Variants in SNRPB2 observed in about 807,000 individuals in gnomAD.
The protein encoded by SNRPB2 is small nuclear ribonucleoprotein polypeptide B2.
A neutral mutation model predicts 26.3 loss-of-function variants in SNRPB2; 16 were observed. That is an observed-to-expected ratio of 0.61 (90% confidence interval 0.41 to 0.92). The LOEUF is 0.92. SNRPB2 is among the 40% of genes least tolerant of loss of function. SNRPB2 has a pLI of 0.00. For synonymous variants in SNRPB2, 75 were observed against 89.0 expected, an observed-to-expected ratio of 0.84 and a Z score of 0.88; for missense variants, 179 against 268.1, an observed-to-expected ratio of 0.67 and a Z score of 2.32.
intron 1 of SNRPB2, chr20:16,730,663 C>T (rs991525349): frequency 1.3e-5 from 2 of 152,254 alleles, no homozygotes; most frequent in Non-Finnish European, 2.9e-5. Flanking sequence ...CTTGTAGGCT[C>T]TTCCCTTGTC....
intron 3 of SNRPB2, among the ~76,000 whole-genome samples, chr20:16,734,676 C>T (rs2072413790): frequency 6.6e-6 from 1 of 152,188 alleles, no homozygotes; most frequent in African/African-American, 2.4e-5. Flanking sequence ...CCGTGTTTAA[C>T]AGCATCCCTG....
At chr20:16,734,533 C>T (rs2072412817) in intron 3 of SNRPB2, among the ~76,000 whole-genome samples, 1 of 152,162 alleles carries the variant, frequency 6.6e-6, no homozygotes, top group Non-Finnish European at 1.5e-5. Flanking sequence ...GTAAATCTTG[C>T]CCTTCTCTAA....
At chr20:16,733,837 G>A (rs2072408568) in intron 3 of SNRPB2, among the ~76,000 whole-genome samples, 1 of 152,062 alleles carries the variant, frequency 6.6e-6, no homozygotes, top group African/African-American at 2.4e-5. Flanking sequence ...CTTCCCAGCT[G>A]ACTGGACACC....
At chr20:16,734,186 A>C (rs1255963531) in intron 3 of SNRPB2, among the ~76,000 whole-genome samples, 1 of 152,150 alleles carries the variant, frequency 6.6e-6, no homozygotes, top group Non-Finnish European at 1.5e-5. Flanking sequence ...ATTTTTTAAA[A>C]TTAGTGGGAA....
At chr20:16,731,872 G>A in intron 2 of SNRPB2, 106 bp downstream of exon 2, 1 of 1,517,900 alleles carries the variant, frequency 6.6e-7, no homozygotes, top group Non-Finnish European at 8.9e-7. Context: ...CTTAGTGCCT[G>A]AAATAATGGT....
At chr20:16,731,249 G>A (rs1299965431) in intron 1 of SNRPB2, among the ~76,000 whole-genome samples, 1 of 152,144 alleles carries the variant, frequency 6.6e-6, no homozygotes, top group African/African-American at 2.4e-5. Context: ...CTTTGTAAGT[G>A]CACCCATTAA....
intron 1 of SNRPB2, among the ~76,000 whole-genome samples, 175 bp downstream of exon 1, chr20:16,730,339 G>A (rs1415886406): frequency 6.6e-6 from 1 of 152,168 alleles, no homozygotes; most frequent in Non-Finnish European, 1.5e-5. Context: ...GTAAAGGATA[G>A]TTAATGTCAG....
rs2072468217 is a variant in SNRPB2 at position 16,742,331 on chromosome 20, C to A, written c.*1326C>A. Reference sequence around the variant, plus strand: ...ACTTGTCTAAGAACTGAAAATAATTCACAGACTGATCCCATGCCCAGTCCT... The same window carrying A: ...ACTTGTCTAAGAACTGAAAATAATTAACAGACTGATCCCATGCCCAGTCCT... On this transcript the variant is annotated 3_prime_UTR_variant, in exon 7 of 7. Coordinates refer to ENST00000246071, the MANE Select transcript of SNRPB2 (RefSeq NM_003092.5). 1 of 152,114 alleles carries A rather than the reference C, an allele frequency of 6.6e-6. No homozygotes were observed. Among genetic ancestry groups the A allele is most frequent in the Non-Finnish European group, 1.5e-5 (1 of 68,024 alleles). The allele number at this position is 152,114 out of a possible 1,614,324, so 9.4% of individuals were successfully genotyped here. A position where few individuals can be genotyped will look rare whatever the true frequency, so the allele number is the denominator to read the frequency against.
At chr20:16,739,289 A>G (rs1178454833) in intron 5 of SNRPB2, among the ~76,000 whole-genome samples, 1 of 152,096 alleles carries the variant, frequency 6.6e-6, no homozygotes, top group African/African-American at 2.4e-5. Context: ...GAAACACTAC[A>G]GTGTTACACT....
chr20:16,736,923 C>T (rs1350763766), intron 3 of SNRPB2, among the ~76,000 whole-genome samples: 1 of 152,170 alleles, frequency 6.6e-6, no homozygotes, highest in Non-Finnish European at 1.5e-5. Flanking sequence ...TGGTGGAGCC[C>T]ACTCATTTGT....
chr20:16,740,673 G>A (rs1216790203), intron 6 of SNRPB2, among the ~76,000 whole-genome samples, 173 bp from the exon 7 acceptor site: 1 of 152,152 alleles, frequency 6.6e-6, no homozygotes, highest in Non-Finnish European at 1.5e-5. Flanking sequence ...GTTTATTCTT[G>A]CAGTTCTTCC....
chr20:16,735,043 T>G (rs1181135497), intron 3 of SNRPB2, among the ~76,000 whole-genome samples: 1 of 152,156 alleles, frequency 6.6e-6, no homozygotes, highest in South Asian at 2.1e-4. Context: ...TTAGAGCCAC[T>G]GTGGTACGGC....
In SNRPB2 at chr20:16,731,771, G is replaced by A. The variant is rs2072393082; in HGVS notation, c.64+5G>A. On this transcript the variant is annotated splice_donor_5th_base_variant and intron_variant, in intron 2 of 6. Coordinates refer to ENST00000246071, the MANE Select transcript of SNRPB2 (RefSeq NM_003092.5). ...ATGACAAAATTAAAAAGGAAGGTAAGTGCTTTTTAGAATACTTGTTCACTA... is the reference window on the plus strand; with the variant it reads ...ATGACAAAATTAAAAAGGAAGGTAAATGCTTTTTAGAATACTTGTTCACTA... 2 of 1,612,212 alleles carry A rather than the reference G, an allele frequency of 1.2e-6. No homozygotes were observed. The highest frequency in any genetic ancestry group is 1.7e-6 in the Non-Finnish European group (2 of 1,178,822).
At chr20:16,735,493 G>T (rs1439027870) in intron 3 of SNRPB2, among the ~76,000 whole-genome samples, 2 of 152,292 alleles carry the variant, frequency 1.3e-5, no homozygotes, top group East Asian at 3.9e-4. Context: ...GCTGAGTATA[G>T]TTATGTGATA....
At chr20:16,733,339 A>G (rs138938968) in intron 3 of SNRPB2, among the ~76,000 whole-genome samples, 1,790 of 152,356 alleles carry the variant, frequency 0.012, 32 homozygotes, top group African/African-American at 0.039. Context: ...ACCCTTTAAC[A>G]TTATCTAAGA....
rs1467880219 is a variant in SNRPB2, at chr20:16,731,667, G to C, written c.-35-1G>C. 1 of 1,608,740 alleles carries C rather than the reference G, an allele frequency of 6.2e-7. No individual in the cohort carries two copies. The highest frequency in any genetic ancestry group is 8.5e-7 in the Non-Finnish European group (1 of 1,176,992). Reference sequence around the variant, plus strand: ...AATTTACTCCTTCCTTTTTATAACAGATTTTTTACTGTCTCCTGAAGAATT... The same window carrying C: ...AATTTACTCCTTCCTTTTTATAACACATTTTTTACTGTCTCCTGAAGAATT... On this transcript the variant is annotated splice_acceptor_variant, in intron 1 of 6. Coordinates refer to ENST00000246071, the MANE Select transcript of SNRPB2 (RefSeq NM_003092.5). LOFTEE classifies it low-confidence loss of function (5UTR_SPLICE).
At chr20:16,740,495 C>T in intron 6 of SNRPB2, 82 bp downstream of exon 6, 1 of 1,564,950 alleles carries the variant, frequency 6.4e-7, no homozygotes, top group Non-Finnish European at 8.6e-7. Flanking sequence ...ATCCATTTAT[C>T]ACACAGCAGT....
rs766194300 is a variant in SNRPB2, at chr20:16,731,654, C to A, written c.-35-14C>A. On this transcript the variant is annotated splice_polypyrimidine_tract_variant and intron_variant, in intron 1 of 6. Transcript: ENST00000246071. ...CACAGTCCAGTATAATTTACTCCTTCCTTTTTATAACAGATTTTTTACTGT... is the reference window on the plus strand; with the variant it reads ...CACAGTCCAGTATAATTTACTCCTTACTTTTTATAACAGATTTTTTACTGT... 15 of 1,604,642 alleles carry A rather than the reference C, an allele frequency of 9.3e-6. No homozygotes were observed. Among genetic ancestry groups the A allele is most frequent in the Non-Finnish European group, 1.2e-5 (14 of 1,174,264 alleles).
rs116206572 is a variant in SNRPB2 at position 16,732,487 on chromosome 20, G to T, written c.237+151G>T. On this transcript the variant is annotated intron_variant, in intron 3 of 6. Transcript: ENST00000246071. ...TGTATTTTTATAGAAAAACAGTAGT[G>T]GTAGAGTTTAATTTATGACAGTTCA... The T allele has an allele frequency of 5.3e-3, 2,732 of 517,678 alleles. 57 individuals carry two copies. Among genetic ancestry groups the T allele is most frequent in the African/African-American group, 0.05 (2,491 of 50,246 alleles). 32.1% of individuals were successfully genotyped at this position (517,678 alleles called of 1,614,324 possible). A position where few individuals can be genotyped will look rare whatever the true frequency, so the allele number is the denominator to read the frequency against.
Sources: gnomAD v4.1 joint callset for allele counts (sites outside exome capture counted in the v4.1 genomes callset) on GRCh38, gnomAD v4.1.1 for gene constraint, MANE v1.5 for transcripts, NCBI Gene and HGNC (gene_info 2026-07-23, HGNC 2026-07-21) for gene names.